The following MCF2L variants were observed in gnomAD, a reference collection of about 807,000 sequenced individuals.
MCF2L encodes guanine nucleotide exchange factor DBS.
In MCF2L, 97 loss-of-function variants were observed where a neutral mutation model predicts 153.4. That is an observed-to-expected ratio of 0.63 (90% CI 0.54 to 0.75). MCF2L has a LOEUF of 0.75. Ranked by LOEUF, MCF2L falls within the 30% of genes least tolerant of loss-of-function variation. The pLI is 0.00. For synonymous variants in MCF2L, 659 were observed against 632.2 expected, an observed-to-expected ratio of 1.04 and a Z score of -0.64; for missense variants, 1,347 against 1,495.2, an observed-to-expected ratio of 0.90 and a Z score of 1.64.
chr13:113,085,369 G>A (rs1183374183), intron 20 of MCF2L, among the ~76,000 whole-genome samples, 191 bp downstream of exon 20: 1 of 152,202 alleles, frequency 6.6e-6, no homozygotes, highest in Admixed American at 6.5e-5. Flanking sequence ...GAGGACGCAG[G>A]TGAGCAGACG....
At chr13:113,086,781 A>G (rs1395552436) in intron 21 of MCF2L, among the ~76,000 whole-genome samples, 1 of 151,856 alleles carries the variant, frequency 6.6e-6, no homozygotes, top group Non-Finnish European at 1.5e-5. Context: ...TATTGCAGCA[A>G]TTTTTGGTTT....
chr13:113,006,450 G>C (rs989194187), intron 1 of MCF2L, among the ~76,000 whole-genome samples: 2 of 152,200 alleles, frequency 1.3e-5, no homozygotes, highest in African/African-American at 4.8e-5. Flanking sequence ...GGGAGCACAG[G>C]GTGGTCCTCA....
chr13:112,986,489 C>G (rs2082646381), intron 1 of MCF2L, among the ~76,000 whole-genome samples: 1 of 152,248 alleles, frequency 6.6e-6, no homozygotes. Context: ...AACCTCCCAC[C>G]TCCCCACGGT....
At chr13:112,985,919 C>T (rs1222326825) in intron 1 of MCF2L, among the ~76,000 whole-genome samples, 2 of 152,202 alleles carry the variant, frequency 1.3e-5, no homozygotes, top group African/African-American at 4.8e-5. Context: ...TGAGGATCGG[C>T]CCCGGCACAC....
upstream of MCF2L, among the ~76,000 whole-genome samples, chr13:112,968,179 C>T (rs2081930159): frequency 7.1e-6 from 1 of 140,272 alleles, no homozygotes; most frequent in African/African-American, 2.6e-5. Flanking sequence ...CAGGCTCAAA[C>T]TTCTGGGCTC....
intron 1 of MCF2L, among the ~76,000 whole-genome samples, chr13:112,900,610 G>A (rs146939411): frequency 1.3e-5 from 2 of 152,274 alleles, no homozygotes; most frequent in East Asian, 3.9e-4. Flanking sequence ...TGGGAGTCAA[G>A]GCTGTGGAGC....
At chr13:113,065,173 TC>T in intron 7 of MCF2L, 88 bp downstream of exon 7, 1 of 1,377,528 alleles carries the variant, frequency 7.3e-7, no homozygotes, top group South Asian at 1.2e-5. Flanking sequence ...CTGCGGGGGG[TC>T]TTTCGTCCCA....
chr13:112,982,692 C>T (rs1423199098), intron 1 of MCF2L, among the ~76,000 whole-genome samples: 2 of 152,076 alleles, frequency 1.3e-5, no homozygotes, highest in African/African-American at 2.4e-5. Flanking sequence ...GGGACCATGC[C>T]GCTTACCCTC....
At chr13:112,986,408 G>C (rs937651867) in intron 1 of MCF2L, among the ~76,000 whole-genome samples, 1 of 152,194 alleles carries the variant, frequency 6.6e-6, no homozygotes, top group Non-Finnish European at 1.5e-5. Flanking sequence ...AGCGTCCCAC[G>C]AACGGTGTGG....
Position 113,075,967 on chromosome 13 carries a change from C to T in MCF2L, c.1310C>T (p.Ser437Phe). ...CTCGGCAATGCTCTGTGTTTCCAGT[C>T]CATGAAGTGGTGTGATGAAGGGATT... ...SLELHRRLET[S>F]MKWCDEGIYL... The change falls in exon 12 of 30, where the codon TCC (serine) becomes TTC (phenylalanine). Residue 437 changes from serine to phenylalanine, a missense_variant and splice_region_variant. Physicochemically the swap from Ser to Phe is radical, Grantham distance 155. Around this residue, in one of 3 missense-constraint regions of MCF2L, gnomAD observed 820 missense variants for 921.2 expected, o/e 0.89. Transcript: ENST00000535094. 1 of 1,604,008 alleles carries T rather than the reference C, an allele frequency of 6.2e-7. No homozygotes were observed. The highest frequency in any genetic ancestry group is 8.5e-7 in the Non-Finnish European group (1 of 1,175,042).
At chr13:113,094,396 T>C (rs2035472637) in intron 26 of MCF2L, 118 bp from the exon 27 acceptor site, 3 of 1,066,354 alleles carry the variant, frequency 2.8e-6, no homozygotes, top group Admixed American at 3.0e-5. Context: ...ACAGGCTCTG[T>C]TGGGGGCCCA....
chr13:113,028,366 T>G lies in MCF2L; in HGVS notation c.278+3608T>G, dbSNP rs934259058. ...TGTGTGCACGCCTCTGTTTATCCGA[T>G]GTTCTGGAACCTTCCATGGCCTCCT... On this transcript the variant is annotated intron_variant, in intron 3 of 29. Transcript: ENST00000535094. This position sits in a 1 kb window ranked among gnomAD's most constrained non-coding sequence, Gnocchi z 5.4. 6.6e-6 allele frequency among the ~76,000 whole-genome samples: 1 copy of G among 152,216 alleles called. No individual in the cohort carries two copies. Among genetic ancestry groups the G allele is most frequent in the East Asian group, 1.9e-4 (1 of 5,196 alleles).
intron 1 of MCF2L, among the ~76,000 whole-genome samples, chr13:112,897,912 G>A (rs968382491): frequency 2.1e-4 from 32 of 152,136 alleles, no homozygotes; most frequent in African/African-American, 7.5e-4. Context: ...CTGTGCCAGG[G>A]CCCAGCTGAC....
At chr13:113,000,258 C>T (rs973757995) in intron 1 of MCF2L, among the ~76,000 whole-genome samples, 3 of 152,192 alleles carry the variant, frequency 2.0e-5, no homozygotes, top group Non-Finnish European at 4.4e-5. Flanking sequence ...CCGTGGGTAC[C>T]AGCCAGCCCT....
intron 1 of MCF2L, among the ~76,000 whole-genome samples, chr13:113,000,679 G>T (rs1433622681): frequency 1.3e-5 from 2 of 152,220 alleles, no homozygotes; most frequent in Non-Finnish European, 2.9e-5. Context: ...CAGGTGTCTG[G>T]CATTTGGGGT....
At chr13:112,934,003 C>A (rs2081489386) in intron 2 of MCF2L, among the ~76,000 whole-genome samples, 2 of 152,260 alleles carry the variant, frequency 1.3e-5, no homozygotes, top group South Asian at 4.1e-4. Context: ...TCATTTTGCT[C>A]ATTTCATAAA....
intron 2 of MCF2L, among the ~76,000 whole-genome samples, chr13:113,020,900 ATGTG>A (rs1293923126): frequency 1.6e-5 from 2 of 128,252 alleles, no homozygotes; most frequent in Non-Finnish European, 3.3e-5. Flanking sequence ...GTATGTGTAG[ATGTG>A]TGTATGTGTG....
At chr13:113,080,563 G>A (rs1255687550) in intron 15 of MCF2L, among the ~76,000 whole-genome samples, 9 of 152,230 alleles carry the variant, frequency 5.9e-5, no homozygotes, top group South Asian at 4.1e-4. Context: ...AGGCAGGGCC[G>A]TAGGCTGCTG....
intron 26 of MCF2L, chr13:113,091,010 A>G (rs2142089910): frequency 1.6e-6 from 2 of 1,265,640 alleles, no homozygotes; most frequent in South Asian, 2.7e-5. Context: ...GAAAGGGGCC[A>G]CAACGTCGGT....
Sources: gnomAD v4.1 joint callset for allele counts (sites outside exome capture counted in the v4.1 genomes callset) on GRCh38, gnomAD v4.1.1 for gene constraint, gnomAD v4.1.1 regional missense constraint, Gnocchi (gnomAD v3.1) non-coding constraint, MANE v1.5 for transcripts, NCBI Gene and HGNC (gene_info 2026-07-23, HGNC 2026-07-21) for gene names.